The following TFAP2E variants were observed in gnomAD, a reference collection of about 807,000 sequenced individuals.
TFAP2E encodes the protein transcription factor AP-2 epsilon.
A neutral mutation model predicts 37.9 loss-of-function variants in TFAP2E; 30 were observed. The ratio of observed to expected loss-of-function variants is 0.79; its 90% CI spans 0.59 to 1.07. The LOEUF is 1.07. Ranked by LOEUF, TFAP2E falls within the 50% of genes least tolerant of loss-of-function variation. The pLI is 0.00. For missense variants in TFAP2E, 567 were observed against 637.9 expected, an observed-to-expected ratio of 0.89 and a Z score of 1.20; for synonymous variants, 318 against 295.8, an observed-to-expected ratio of 1.08 and a Z score of -0.77.
chr1:35,575,045 G>A (rs1233893188), intron 3 of TFAP2E, 45 bp downstream of exon 3: 2 of 1,611,090 alleles, frequency 1.2e-6, no homozygotes, highest in Admixed American at 1.7e-5. Flanking sequence ...GATGGTGCAG[G>A]CCCTTGGTGC....
intron 3 of TFAP2E, among the ~76,000 whole-genome samples, chr1:35,585,077 G>A (rs188494576): frequency 1.2e-4 from 18 of 152,156 alleles, no homozygotes; most frequent in East Asian, 1.9e-4. Flanking sequence ...GAGCTGGGGG[G>A]CAGGGGAGAG....
intron 3 of TFAP2E, among the ~76,000 whole-genome samples, chr1:35,578,038 G>A (rs75144251): frequency 6.6e-6 from 1 of 152,110 alleles, no homozygotes; most frequent in African/African-American, 2.4e-5. Flanking sequence ...GACGCGGGAG[G>A]AGCTCAGAGG....
chr1:35,573,513 G>T lies in TFAP2E; in HGVS notation c.-65G>T. 6.9e-7 allele frequency: 1 copy of T among 1,446,514 alleles called. No homozygotes were observed. The highest frequency in any genetic ancestry group is 1.4e-5 in the South Asian group (1 of 69,462). The allele number at this position is 1,446,514 out of a possible 1,614,324, so 89.6% of individuals were successfully genotyped here. A position where few individuals can be genotyped will look rare whatever the true frequency, so the allele number is the denominator to read the frequency against. The stretch of plus-strand genomic sequence containing the variant: ...GTGCCGGCTCCCGGCGCCTCTGCCC[G>T]CAGCGCTCGCCGTCGGGCTAGGGCT... On this transcript the variant is annotated 5_prime_UTR_variant, in exon 1 of 7. Transcript: ENST00000373235. This position sits in a 1 kb window ranked among gnomAD's most constrained non-coding sequence, Gnocchi z 5.9.
chr1:35,590,174 T>C lies in TFAP2E; in HGVS notation c.904+126T>C. The C allele has an allele frequency of 1.2e-6, 1 of 848,782 alleles. No homozygotes were observed. Among genetic ancestry groups the C allele is most frequent in the South Asian group, 1.5e-5 (1 of 65,366 alleles). 52.6% of individuals were successfully genotyped at this position (848,782 alleles called of 1,614,324 possible). On this transcript the variant is annotated intron_variant, in intron 5 of 6. Transcript: ENST00000373235. This position sits in a 1 kb window ranked among gnomAD's most constrained non-coding sequence, Gnocchi z 6.2. ...GTGTATCCGTGTAAGTGTTGCAGTATCTGTGTGCGTATTCTCTGTCATGTA... is the reference window on the plus strand; with the variant it reads ...GTGTATCCGTGTAAGTGTTGCAGTACCTGTGTGCGTATTCTCTGTCATGTA...
rs575700307 is a variant in TFAP2E at position 35,577,784 on chromosome 1, C to T, written c.562+2784C>T. On this transcript the variant is annotated intron_variant, in intron 3 of 6. Transcript: ENST00000373235. This position sits in a 1 kb window ranked among gnomAD's most constrained non-coding sequence, Gnocchi z 6.3. ...GCAGGCAAGCGTCCGGGAGGGGCGG[C>T]CAGGCGAAGCCCCGGCGCTTTACCA... The T allele has an allele frequency of 1.6e-3, 375 of 234,466 alleles. No individual in the cohort carries two copies. The highest frequency in any genetic ancestry group is 8.1e-3 in the African/African-American group (355 of 43,972). 14.5% of individuals were successfully genotyped at this position (234,466 alleles called of 1,614,324 possible). A position where few individuals can be genotyped will look rare whatever the true frequency, so the allele number is the denominator to read the frequency against.
chr1:35,574,044 G>A lies in TFAP2E; in HGVS notation c.145G>A (p.Glu49Lys), dbSNP rs1649090247. ...CHTPAATAAAEFQPPYFPPPY... is the reference protein window; with the variant it reads ...CHTPAATAAAKFQPPYFPPPY... The stretch of plus-strand genomic sequence containing the variant: ...CACGCCGGCCGCCACAGCTGCCGCC[G>A]AATTCCAGCCGCCCTACTTCCCGCC... Residue 49 changes from glutamate to lysine, a missense_variant, in exon 2 of 7, where the codon GAA becomes AAA. Physicochemically the swap from Glu to Lys is moderately conservative, Grantham distance 56 (BLOSUM62 1). Coordinates refer to ENST00000373235, the MANE Select transcript of TFAP2E (RefSeq NM_178548.4). The A allele has an allele frequency of 6.7e-7, 1 of 1,485,472 alleles. No individual in the cohort carries two copies. The highest frequency in any genetic ancestry group is 1.2e-5 in the South Asian group (1 of 80,258). 92.0% of individuals were successfully genotyped at this position (1,485,472 alleles called of 1,614,324 possible). A position where few individuals can be genotyped will look rare whatever the true frequency, so the allele number is the denominator to read the frequency against.
intron 3 of TFAP2E, 62 bp downstream of exon 3, chr1:35,575,062 C>T: frequency 6.2e-7 from 1 of 1,601,214 alleles, no homozygotes; most frequent in South Asian, 1.1e-5. Context: ...GTGCACAGAT[C>T]CATTTTCTTC....
At position 35,590,641 on chromosome 1, in the gene TFAP2E, C is replaced by T. The variant is rs1037513500; in HGVS notation, c.912C>T (p.Ala304=). The change falls in exon 6 of 7, where the codon GCC becomes GCT. Residue 304 remains alanine (A), a synonymous_variant. Transcript: ENST00000373235. The surrounding 1 kb of genome is among the most constrained non-coding windows in gnomAD (Gnocchi z 6.2). ...TLLTSLVEGE[A]VHLARDFGYV... ...CAGCTCCCCTCCCCCCAGGAGAGGC[C>T]GTGCACCTGGCCCGAGACTTCGGTT... is the stretch of plus-strand genomic sequence containing the variant. The T allele has an allele frequency of 9.3e-6, 14 of 1,505,970 alleles. No homozygotes were observed. Among genetic ancestry groups the T allele is most frequent in the South Asian group, 2.7e-5 (2 of 75,314 alleles). The allele number at this position is 1,505,970 out of a possible 1,614,324, so 93.3% of individuals were successfully genotyped here. A position where few individuals can be genotyped will look rare whatever the true frequency, so the allele number is the denominator to read the frequency against.
Position 35,594,557 on chromosome 1 carries a change from G to T in TFAP2E, c.1210G>T (p.Ala404Ser), listed in dbSNP as rs765353594. Reference sequence around the variant, plus strand: ...GCCTGCCATCTGTGCTGCCCTCACTGCCTTCCAGAACTATTTGCTGGAGTC... The same window carrying T: ...GCCTGCCATCTGTGCTGCCCTCACTTCCTTCCAGAACTATTTGCTGGAGTC... The part of the protein sequence containing the change: ...GGPAICAALT[A>S]FQNYLLESLK... Residue 404 changes from alanine (A) to serine (S), a missense_variant, in exon 7 of 7, where the codon GCC becomes TCC. This residue lies in a region of TFAP2E where 252 missense variants were observed against 302.6 expected (regional missense o/e 0.83). Transcript: ENST00000373235. 17 of 1,614,074 alleles carry T rather than the reference G, an allele frequency of 1.1e-5. No individual in the cohort carries two copies. The East Asian group carries it at 3.6e-4, about 34-fold the overall frequency.
intron 6 of TFAP2E, among the ~76,000 whole-genome samples, chr1:35,593,672 C>T (rs150569364): frequency 2.0e-5 from 3 of 152,328 alleles, no homozygotes; most frequent in East Asian, 1.9e-4. Context: ...TCAGCTCATT[C>T]ATCAAGCACT....
chr1:35,583,695 A>G (rs1649411875), intron 3 of TFAP2E, among the ~76,000 whole-genome samples: 1 of 151,696 alleles, frequency 6.6e-6, no homozygotes, highest in African/African-American at 2.4e-5. Context: ...CTTCAGCTTC[A>G]GGAGTCACCA....
At chr1:35,576,028 C>G (rs568563787) in intron 3 of TFAP2E, among the ~76,000 whole-genome samples, 4 of 152,164 alleles carry the variant, frequency 2.6e-5, no homozygotes, top group Non-Finnish European at 4.4e-5. Context: ...GGCAGGTGCC[C>G]GAAAGAATTC....
intron 6 of TFAP2E, among the ~76,000 whole-genome samples, chr1:35,592,397 T>G (rs1000670887): frequency 3.3e-5 from 5 of 152,116 alleles, no homozygotes; most frequent in Admixed American, 6.5e-5. Flanking sequence ...CAACAGAAAT[T>G]TTTATTTATT....
intron 4 of TFAP2E, among the ~76,000 whole-genome samples, chr1:35,589,192 G>C: frequency 1.5e-5 from 1 of 66,506 alleles, no homozygotes; most frequent in Non-Finnish European, 2.3e-5. Flanking sequence ...CCTGCTCTGT[G>C]TGTGTGTGTG....
chr1:35,577,075 G>A lies in TFAP2E; in HGVS notation c.562+2075G>A, dbSNP rs1187029577. On this transcript the variant is annotated intron_variant, in intron 3 of 6. Transcript: ENST00000373235. This position sits in a 1 kb window ranked among gnomAD's most constrained non-coding sequence, Gnocchi z 6.3. ...GGGTCTGTGGCCCAGTGGAGCGAGT[G>A]GAGCGCTGGCGACCTGAGCGGAGAC... Among the ~76,000 whole-genome samples the A allele has an allele frequency of 6.6e-6, 1 of 152,194 alleles. No homozygotes were observed.
At chr1:35,581,211 A>G (rs1649341576) in intron 3 of TFAP2E, among the ~76,000 whole-genome samples, 1 of 152,240 alleles carries the variant, frequency 6.6e-6, no homozygotes, top group Non-Finnish European at 1.5e-5. Flanking sequence ...AGCAATAAAA[A>G]GAAACAAACT....
At chr1:35,574,509 C>T in intron 2 of TFAP2E, 100 bp downstream of exon 2, 3 of 1,330,118 alleles carry the variant, frequency 2.3e-6, no homozygotes, top group Non-Finnish European at 2.9e-6. Context: ...CGACTTTTCT[C>T]CCAGCTCGCC....
chr1:35,589,532 CTGTG>C (rs770247747), intron 4 of TFAP2E, among the ~76,000 whole-genome samples: 9 of 151,602 alleles, frequency 5.9e-5, no homozygotes, highest in Non-Finnish European at 1.0e-4. Context: ...CACCAGGTGG[CTGTG>C]TGTGTACCTG....
At chr1:35,582,749 T>A (rs1344023850) in intron 3 of TFAP2E, among the ~76,000 whole-genome samples, 1 of 152,170 alleles carries the variant, frequency 6.6e-6, no homozygotes, top group African/African-American at 2.4e-5. Flanking sequence ...ACCCTCGAAC[T>A]CCTGAACTCA....
Sources: allele counts gnomAD v4.1 joint callset (sites outside exome capture counted in the v4.1 genomes callset), GRCh38; gene constraint gnomAD v4.1.1; regional missense constraint gnomAD v4.1.1; non-coding constraint Gnocchi (gnomAD v3.1); transcripts MANE v1.5; gene names NCBI Gene and HGNC (gene_info 2026-07-23, HGNC 2026-07-21).